The following MIS18A variants were observed in gnomAD, a reference collection of about 807,000 sequenced individuals.
MIS18A encodes the protein protein Mis18-alpha.
MIS18A carries 14 observed loss-of-function variants against 25.0 expected under a neutral mutation model. That is an observed-to-expected ratio of 0.56 (90% CI 0.37 to 0.88). The LOEUF (loss-of-function observed/expected upper bound fraction) is 0.88, where lower values mean the gene tolerates loss of function less well. Among genes scored for constraint, MIS18A ranks in the 40% least tolerant of loss-of-function variants. MIS18A has a pLI of 0.00. For missense variants in MIS18A, 292 were observed against 290.8 expected (o/e 1.00, Z -0.03); for synonymous variants, 134 against 118.6 (o/e 1.13, Z -0.84).
At chr21:32,256,571 A>G in the MIS18A span, among the ~76,000 whole-genome samples, 1 of 152,150 alleles carries the variant, frequency 6.6e-6, no homozygotes, top group Non-Finnish European at 1.5e-5. Context: ...CTGTTTCGCG[A>G]ATGTGCCCTG....
chr21:32,184,479 C>T, the MIS18A span, among the ~76,000 whole-genome samples: 1 of 152,192 alleles, frequency 6.6e-6, no homozygotes, highest in Non-Finnish European at 1.5e-5. Flanking sequence ...AATTTTTTCA[C>T]AATCTCTGTT....
the MIS18A span, among the ~76,000 whole-genome samples, chr21:32,238,148 A>G: frequency 6.6e-6 from 1 of 152,206 alleles, no homozygotes; most frequent in South Asian, 2.1e-4. Context: ...AAGCCCCATC[A>G]TAGATTTCAC....
chr21:32,239,735 G>C, the MIS18A span, among the ~76,000 whole-genome samples: 7 of 152,186 alleles, frequency 4.6e-5, no homozygotes, highest in Non-Finnish European at 8.8e-5. Context: ...CTCAGCATGA[G>C]TTCCACCCTT....
chr21:32,274,197 C>CTTTT (rs1184186125), intron 2 of MIS18A, among the ~76,000 whole-genome samples: 10 of 72,772 alleles, frequency 1.4e-4, no homozygotes, highest in East Asian at 4.1e-4. Flanking sequence ...TCCTTTTCTT[C>CTTTT]TTTTTTTTTT....
At chr21:32,270,861 G>A (rs527941768) in intron 2 of MIS18A, among the ~76,000 whole-genome samples, 1 of 152,288 alleles carries the variant, frequency 6.6e-6, no homozygotes, top group African/African-American at 2.4e-5. Flanking sequence ...CCAGCCATCT[G>A]GTGTCTGTCA....
chr21:32,195,355 G>T, the MIS18A span, among the ~76,000 whole-genome samples: 1 of 152,322 alleles, frequency 6.6e-6, no homozygotes, highest in African/African-American at 2.4e-5. Context: ...CAGTTAGAGG[G>T]ATAGTTGAAA....
chr21:32,231,811 G>T, the MIS18A span, among the ~76,000 whole-genome samples: 1 of 152,132 alleles, frequency 6.6e-6, no homozygotes, highest in Non-Finnish European at 1.5e-5. Flanking sequence ...TACTCAGGAG[G>T]CTGAGGCGGG....
chr21:32,214,447 C>G, the MIS18A span, among the ~76,000 whole-genome samples: 1 of 140,784 alleles, frequency 7.1e-6, no homozygotes, highest in South Asian at 2.3e-4. Context: ...GCTGCGCTTT[C>G]CAAACTTTTA....
the MIS18A span, among the ~76,000 whole-genome samples, chr21:32,249,512 C>T: frequency 6.6e-6 from 1 of 152,196 alleles, no homozygotes; most frequent in Non-Finnish European, 1.5e-5. Context: ...GGGGAAAAAA[C>T]ACACCAAAAT....
the MIS18A span, among the ~76,000 whole-genome samples, chr21:32,257,021 G>A: frequency 6.6e-6 from 1 of 152,298 alleles, no homozygotes; most frequent in East Asian, 1.9e-4. Context: ...TTCCTTCAGA[G>A]TGGAGAGAAA....
chr21:32,218,916 A>C, the MIS18A span, among the ~76,000 whole-genome samples: 1 of 151,808 alleles, frequency 6.6e-6, no homozygotes, highest in Non-Finnish European at 1.5e-5. Flanking sequence ...AATACAAAAA[A>C]CATTAGCTGG....
At chr21:32,226,509 T>G in the MIS18A span, among the ~76,000 whole-genome samples, 2 of 152,166 alleles carry the variant, frequency 1.3e-5, no homozygotes, top group African/African-American at 4.8e-5. Context: ...AAGGACATTT[T>G]ATAGTGATAA....
the MIS18A span, chr21:32,260,024 A>G: frequency 1.3e-5 from 2 of 149,454 alleles, no homozygotes; most frequent in Non-Finnish European, 1.5e-5. Context: ...TTACTCTTAT[A>G]TGTCAATTCT....
the MIS18A span, among the ~76,000 whole-genome samples, chr21:32,204,259 G>T: frequency 6.6e-6 from 1 of 152,164 alleles, no homozygotes; most frequent in South Asian, 2.1e-4. Flanking sequence ...AGCACTTTGG[G>T]AGGCTGAGGT....
the MIS18A span, among the ~76,000 whole-genome samples, chr21:32,243,780 G>T: frequency 6.6e-6 from 1 of 152,040 alleles, no homozygotes; most frequent in Admixed American, 6.6e-5. Context: ...CACTTTGGGA[G>T]GCCAAGGCAG....
At chr21:32,235,194 C>A in the MIS18A span, among the ~76,000 whole-genome samples, 1 of 152,200 alleles carries the variant, frequency 6.6e-6, no homozygotes, top group South Asian at 2.1e-4. Flanking sequence ...ACTGGATACT[C>A]ACAGCTGCCC....
At chr21:32,269,533 A>G (rs1178414497) in intron 4 of MIS18A, 174 bp downstream of exon 4, 2 of 543,992 alleles carry the variant, frequency 3.7e-6, no homozygotes, top group Non-Finnish European at 6.6e-6. Context: ...TTGTTGATTA[A>G]GCTTTAGCTT....
At chr21:32,269,201 CTT>C (rs1313998670) in intron 4 of MIS18A, 84 bp from the exon 5 acceptor site, 22 of 1,017,330 alleles carry the variant, frequency 2.2e-5, no homozygotes, top group Admixed American at 1.5e-4. Flanking sequence ...AAGATATACA[CTT>C]AATGCAATTT....
the MIS18A span, among the ~76,000 whole-genome samples, chr21:32,243,591 T>G: frequency 6.6e-6 from 1 of 152,130 alleles, no homozygotes; most frequent in Admixed American, 6.5e-5. Context: ...AACTGGAACA[T>G]CTAAACATTT....
Sources: allele counts gnomAD v4.1 joint callset (sites outside exome capture counted in the v4.1 genomes callset), GRCh38; gene constraint gnomAD v4.1.1; transcripts MANE v1.5; gene names NCBI Gene and HGNC (gene_info 2026-07-23, HGNC 2026-07-21).